The following CPNE4 variants were observed in gnomAD, a reference collection of about 807,000 sequenced individuals.
CPNE4 encodes copine 4.
Under a neutral mutation model 67.9 loss-of-function variants are expected in CPNE4, and 25 were observed. That is an observed-to-expected ratio of 0.37 (90% CI 0.27 to 0.51). CPNE4 has a LOEUF of 0.51. Among genes scored for constraint, CPNE4 ranks in the 20% least tolerant of loss-of-function variants. The pLI, the probability that CPNE4 is intolerant of heterozygous loss-of-function variation, is 0.93. For synonymous variants in CPNE4, 242 were observed against 244.9 expected, an observed-to-expected ratio of 0.99 and a Z score of 0.11; for missense variants, 464 against 690.8, an observed-to-expected ratio of 0.67 and a Z score of 3.68.
rs539018812 is a variant in CPNE4 at position 131,649,885 on chromosome 3, C to T, written c.681+19790G>A. Reference sequence around the variant, plus strand: ...CTGTGTGTCAGGAGTTCAATTACACCGTGGCTGCGTTGTGTGCTTAGTATC... The same window carrying T: ...CTGTGTGTCAGGAGTTCAATTACACTGTGGCTGCGTTGTGTGCTTAGTATC... On this transcript the variant is annotated intron_variant, in intron 7 of 15. Transcript: ENST00000429747. 1.2e-4 allele frequency among the ~76,000 whole-genome samples: 18 copies of T among 152,268 alleles called. No individual in the cohort carries two copies. In the South Asian group the frequency reaches 1.9e-3, roughly 16 times the overall value.
At chr3:131,883,151 C>A (rs2087747741) in intron 2 of CPNE4, among the ~76,000 whole-genome samples, 1 of 152,170 alleles carries the variant, frequency 6.6e-6, no homozygotes, top group Admixed American at 6.5e-5. Flanking sequence ...AAAGTATAGA[C>A]AGTCTGTGAC....
chr3:131,927,361 G>A (rs1367822813), intron 1 of CPNE4, among the ~76,000 whole-genome samples: 1 of 152,060 alleles, frequency 6.6e-6, no homozygotes, highest in Non-Finnish European at 1.5e-5. Flanking sequence ...ATGATTAAGA[G>A]CAAACTCCCT....
At chr3:131,938,546 T>C (rs971920500) in intron 1 of CPNE4, among the ~76,000 whole-genome samples, 12 of 152,106 alleles carry the variant, frequency 7.9e-5, no homozygotes, top group Non-Finnish European at 1.8e-4. Context: ...CTCATAGTTC[T>C]GCATGGCTGG....
intron 2 of CPNE4, among the ~76,000 whole-genome samples, chr3:131,850,969 C>T (rs1560463198): frequency 6.6e-6 from 1 of 152,078 alleles, no homozygotes; most frequent in Non-Finnish European, 1.5e-5. Flanking sequence ...AGCAATTCTA[C>T]CTCCTCCCAC....
At chr3:131,787,316 A>G (rs2083593628) in intron 2 of CPNE4, among the ~76,000 whole-genome samples, 2 of 152,124 alleles carry the variant, frequency 1.3e-5, no homozygotes, top group East Asian at 1.9e-4. Context: ...TCTATGGAAG[A>G]AACAGAAATA....
rs74952466 is a variant in CPNE4, at chr3:131,902,739, G to A, written c.180+2525C>T. On this transcript the variant is annotated intron_variant, in intron 2 of 15. Coordinates refer to ENST00000429747, the MANE Select transcript of CPNE4 (RefSeq NM_130808.3). Reference sequence around the variant, plus strand: ...CAAATAATAGTTGAATTATGTTAACGGGTTAGAAGTAGATGGATTTCTTGC... The same window carrying A: ...CAAATAATAGTTGAATTATGTTAACAGGTTAGAAGTAGATGGATTTCTTGC... Among the ~76,000 whole-genome samples, 6 of 152,152 alleles carry A rather than the reference G, an allele frequency of 3.9e-5. No individual in the cohort carries two copies. The East Asian group carries it at 7.8e-4, about 20-fold the overall frequency.
chr3:131,770,423 C>G (rs546359504), intron 2 of CPNE4, among the ~76,000 whole-genome samples: 1 of 152,318 alleles, frequency 6.6e-6, no homozygotes, highest in East Asian at 1.9e-4. Flanking sequence ...TCCCTTTCTC[C>G]CCGCAAAGCG....
chr3:131,828,476 T>C (rs1010821834), intron 2 of CPNE4, among the ~76,000 whole-genome samples: 16 of 152,208 alleles, frequency 1.1e-4, no homozygotes, highest in Admixed American at 2.0e-4. Flanking sequence ...ATTTTTTCTT[T>C]TTATTGCTGA....
chr3:131,612,239 T>C (rs1277532211), intron 7 of CPNE4, among the ~76,000 whole-genome samples: 1 of 152,122 alleles, frequency 6.6e-6, no homozygotes, highest in Non-Finnish European at 1.5e-5. Context: ...CCAGGCGTGG[T>C]GGCGGGCACC....
intron 11 of CPNE4, among the ~76,000 whole-genome samples, chr3:131,564,014 G>T (rs1936927534): frequency 6.6e-6 from 1 of 152,048 alleles, no homozygotes; most frequent in Admixed American, 6.6e-5. Context: ...ATTGAGAGAA[G>T]AAGGCTGAGA....
chr3:132,034,876 A>G lies in CPNE4; in HGVS notation c.-311T>C. 1 of 985,356 alleles carries G rather than the reference A, an allele frequency of 1.0e-6. No individual in the cohort carries two copies. The highest frequency in any genetic ancestry group is 1.2e-6 in the Non-Finnish European group (1 of 829,936). The allele number at this position is 985,356 out of a possible 1,614,324, so 61.0% of individuals were successfully genotyped here. On this transcript the variant is annotated 5_prime_UTR_variant, in exon 1 of 16. Coordinates refer to ENST00000429747, the MANE Select transcript of CPNE4 (RefSeq NM_130808.3). ...TCGGCTCTCAGTTAACTCGGAGAGT[A>G]AAGAGGAGGGTACTGAGAAAAGAGG...
chr3:131,862,806 C>A (rs966305283), intron 2 of CPNE4, among the ~76,000 whole-genome samples: 2 of 152,038 alleles, frequency 1.3e-5, no homozygotes, highest in African/African-American at 4.8e-5. Context: ...GTGCTGCACC[C>A]ATTAACTCGT....
chr3:131,583,436 CCAAA>C (rs759423665), intron 8 of CPNE4, among the ~76,000 whole-genome samples: 39 of 152,120 alleles, frequency 2.6e-4, no homozygotes, highest in Non-Finnish European at 4.4e-5. Flanking sequence ...TAGGGATTTA[CCAAA>C]CAGTTGGAAA....
chr3:131,805,799 C>T (rs980510473), intron 2 of CPNE4, among the ~76,000 whole-genome samples: 2 of 152,184 alleles, frequency 1.3e-5, no homozygotes, highest in African/African-American at 4.8e-5. Context: ...TATAGTGACA[C>T]TTCCACTGTG....
intron 2 of CPNE4, among the ~76,000 whole-genome samples, chr3:131,745,287 A>G (rs970453366): frequency 2.0e-5 from 3 of 151,816 alleles, no homozygotes; most frequent in Non-Finnish European, 4.4e-5. Context: ...TTTATTGTTG[A>G]GTTTTGAGAT....
chr3:131,963,739 G>C (rs533866895), intron 1 of CPNE4, among the ~76,000 whole-genome samples: 2 of 152,170 alleles, frequency 1.3e-5, no homozygotes, highest in African/African-American at 2.4e-5. Context: ...CTCCAGTCAC[G>C]GGCTTATAGA....
chr3:131,714,804 G>A (rs2081644211), intron 3 of CPNE4, among the ~76,000 whole-genome samples: 1 of 152,132 alleles, frequency 6.6e-6, no homozygotes, highest in Non-Finnish European at 1.5e-5. Context: ...GGGAACCACT[G>A]CCCTGAGAGA....
intron 3 of CPNE4, among the ~76,000 whole-genome samples, chr3:131,705,030 T>TCTCCCTCC (rs577201741): frequency 6.6e-6 from 1 of 151,610 alleles, no homozygotes; most frequent in East Asian, 1.9e-4. Context: ...ACACATTCTC[T>TCTCCCTCC]CTCCCTCCCT....
At chr3:131,906,215 G>T (rs1189851752) in intron 1 of CPNE4, among the ~76,000 whole-genome samples, 2 of 131,594 alleles carry the variant, frequency 1.5e-5, no homozygotes, top group Non-Finnish European at 1.7e-5. Context: ...TTTTTTTGTT[G>T]TTGTTGTTTT....
Sources: allele counts gnomAD v4.1 joint callset (sites outside exome capture counted in the v4.1 genomes callset), GRCh38; gene constraint gnomAD v4.1.1; transcripts MANE v1.5; gene names NCBI Gene and HGNC (gene_info 2026-07-23, HGNC 2026-07-21).